Variants in HNRNPC observed in about 807,000 individuals in gnomAD.
HNRNPC encodes heterogeneous nuclear ribonucleoproteins C1/C2.
In HNRNPC, 3 loss-of-function variants were observed where a neutral mutation model predicts 33.2. That is an observed-to-expected ratio of 0.09 (90% CI 0.04 to 0.23). The LOEUF (loss-of-function observed/expected upper bound fraction) is 0.23, where lower values mean the gene tolerates loss of function less well. Among genes scored for constraint, HNRNPC ranks in the 10% least tolerant of loss-of-function variants. The pLI, the probability that HNRNPC is intolerant of heterozygous loss-of-function variation, is 1.00. For synonymous variants in HNRNPC, 121 were observed against 126.7 expected (o/e 0.96, Z 0.30); for missense variants, 143 against 366.7 (o/e 0.39, Z 4.98).
chr14:21,223,705 G>A (rs1460468750), intron 5 of HNRNPC, among the ~76,000 whole-genome samples: 3 of 152,030 alleles, frequency 2.0e-5, no homozygotes, highest in South Asian at 2.1e-4. Context: ...GCAGTGATGC[G>A]CCACTGCACT....
chr14:21,252,102 A>AC (rs1483360541), intron 2 of HNRNPC, among the ~76,000 whole-genome samples: 1 of 152,210 alleles, frequency 6.6e-6, no homozygotes, highest in Non-Finnish European at 1.5e-5. Context: ...AATGAGTATA[A>AC]CCATAAGACC....
intron 2 of HNRNPC, among the ~76,000 whole-genome samples, chr14:21,258,365 T>C (rs1376289668): frequency 1.3e-5 from 2 of 151,148 alleles, no homozygotes; most frequent in Admixed American, 1.3e-4. Flanking sequence ...CACTCCAGCC[T>C]GGTGACAGAG....
chr14:21,254,545 A>G (rs1876792999), intron 2 of HNRNPC: 1 of 152,124 alleles, frequency 6.6e-6, no homozygotes. Context: ...AAGATGAGGT[A>G]CCTCCTCTCC....
chr14:21,260,325 C>T (rs1270259826), intron 2 of HNRNPC, among the ~76,000 whole-genome samples: 1 of 145,940 alleles, frequency 6.9e-6, no homozygotes, highest in African/African-American at 2.6e-5. Context: ...AAGATCACAC[C>T]ACTGCACTCC....
chr14:21,255,787 T>C (rs1877079498), intron 2 of HNRNPC, among the ~76,000 whole-genome samples: 1 of 152,236 alleles, frequency 6.6e-6, no homozygotes, highest in Non-Finnish European at 1.5e-5. Flanking sequence ...CTCTTATGTC[T>C]TTACATAGAA....
At chr14:21,241,640 C>T (rs1330336611) in intron 2 of HNRNPC, among the ~76,000 whole-genome samples, 1 of 152,190 alleles carries the variant, frequency 6.6e-6, no homozygotes, top group Non-Finnish European at 1.5e-5. Flanking sequence ...TCTATCTGGT[C>T]ACCATTTTTG....
chr14:21,221,755 A>C (rs538055882), intron 5 of HNRNPC, among the ~76,000 whole-genome samples: 24 of 152,212 alleles, frequency 1.6e-4, no homozygotes, highest in Non-Finnish European at 2.8e-4. Context: ...GTGGAAGAGT[A>C]AACAAATGGC....
chr14:21,224,099 A>C lies in HNRNPC; in HGVS notation c.365+6220T>G, dbSNP rs1208617734. ...CTCCCTTCATACATATATATAAACA[A>C]ACCCATCTCTCAGGTACAGTGTTAC... On this transcript the variant is annotated intron_variant, in intron 5 of 8. Coordinates refer to ENST00000553300, the MANE Select transcript of HNRNPC (RefSeq NM_004500.4). Among the ~76,000 whole-genome samples the C allele has an allele frequency of 2.0e-5, 3 of 152,098 alleles. No individual in the cohort carries two copies. The East Asian group carries it at 5.8e-4, about 29-fold the overall frequency.
chr14:21,229,191 T>C (rs943963926), intron 5 of HNRNPC, among the ~76,000 whole-genome samples: 3 of 150,326 alleles, frequency 2.0e-5, no homozygotes, highest in Admixed American at 6.6e-5. Context: ...GAGATCGAGA[T>C]CATCCTGGCT....
At chr14:21,242,538 C>T (rs1013431964) in intron 2 of HNRNPC, among the ~76,000 whole-genome samples, 1 of 152,164 alleles carries the variant, frequency 6.6e-6, no homozygotes, top group African/African-American at 2.4e-5. Flanking sequence ...GAGGACTTAA[C>T]ACCAATTTAA....
chr14:21,261,118 G>A (rs1353238794), intron 2 of HNRNPC, among the ~76,000 whole-genome samples: 1 of 152,052 alleles, frequency 6.6e-6, no homozygotes, highest in Non-Finnish European at 1.5e-5. Context: ...TTACAGGCAG[G>A]TACCAACGCC....
chr14:21,217,398 G>A (rs1254837819), intron 5 of HNRNPC, among the ~76,000 whole-genome samples: 1 of 152,114 alleles, frequency 6.6e-6, no homozygotes, highest in Admixed American at 6.6e-5. Flanking sequence ...AATATAAAAC[G>A]ACTAAATGGT....
intron 5 of HNRNPC, among the ~76,000 whole-genome samples, chr14:21,226,878 C>CAAAAA (rs71419112): frequency 5.1e-5 from 2 of 39,036 alleles, no homozygotes; most frequent in Admixed American, 3.9e-4. Flanking sequence ...GACTCCATCT[C>CAAAAA]AAAAAAAAAA....
At chr14:21,235,419 A>G (rs1894594215) in intron 2 of HNRNPC, among the ~76,000 whole-genome samples, 1 of 152,186 alleles carries the variant, frequency 6.6e-6, no homozygotes, top group Non-Finnish European at 1.5e-5. Context: ...GTTTAACACC[A>G]TTTCATATAT....
intron 2 of HNRNPC, among the ~76,000 whole-genome samples, chr14:21,241,024 A>T (rs893883992): frequency 1.3e-5 from 2 of 152,026 alleles, no homozygotes; most frequent in African/African-American, 4.8e-5. Context: ...TAATCCCAGC[A>T]CTCTGGGAGG....
chr14:21,240,719 A>C (rs996946238), intron 2 of HNRNPC, among the ~76,000 whole-genome samples: 1 of 152,200 alleles, frequency 6.6e-6, no homozygotes, highest in Non-Finnish European at 1.5e-5. Flanking sequence ...TATTTAGTGC[A>C]AAAGTATACA....
intron 5 of HNRNPC, among the ~76,000 whole-genome samples, chr14:21,226,895 A>AGGGG (rs71313496): frequency 9.4e-6 from 1 of 106,652 alleles, no homozygotes; most frequent in Admixed American, 1.1e-4. Flanking sequence ...AAAAAAAAAA[A>AGGGG]GGGGGGGGGG....
At chr14:21,243,711 T>A (rs1418826745) in intron 2 of HNRNPC, among the ~76,000 whole-genome samples, 1 of 152,186 alleles carries the variant, frequency 6.6e-6, no homozygotes, top group African/African-American at 2.4e-5. Flanking sequence ...TATATCTGTA[T>A]TCATTAATCA....
At chr14:21,240,709 T>C (rs1268198671) in intron 2 of HNRNPC, among the ~76,000 whole-genome samples, 1 of 152,188 alleles carries the variant, frequency 6.6e-6, no homozygotes, top group Non-Finnish European at 1.5e-5. Flanking sequence ...TATCTTGGCT[T>C]ATTTAGTGCA....
Sources: allele counts gnomAD v4.1 joint callset (sites outside exome capture counted in the v4.1 genomes callset), GRCh38; gene constraint gnomAD v4.1.1; transcripts MANE v1.5; gene names NCBI Gene and HGNC (gene_info 2026-07-23, HGNC 2026-07-21).